ARMC2: variants seen among roughly 807,000 people sequenced by gnomAD.
ARMC2 encodes armadillo repeat containing 2, also known as armadillo repeat-containing protein 2.
A neutral mutation model predicts 90.3 loss-of-function variants in ARMC2; 67 were observed. The ratio of observed to expected loss-of-function variants is 0.74; its 90% CI spans 0.61 to 0.91. The LOEUF is 0.91. Among genes scored for constraint, ARMC2 ranks in the 40% least tolerant of loss-of-function variants. The pLI is 0.00. For synonymous variants in ARMC2, 393 were observed against 393.0 expected (o/e 1.00, Z 0.00); for missense variants, 920 against 1,030.9 (o/e 0.89, Z 1.47).
At chr6:108,916,887 A>G (rs1774024670) in intron 10 of ARMC2, among the ~76,000 whole-genome samples, 1 of 152,064 alleles carries the variant, frequency 6.6e-6, no homozygotes, top group Non-Finnish European at 1.5e-5. Context: ...TGTCTATGTC[A>G]CAATCACAAC....
intron 12 of ARMC2, among the ~76,000 whole-genome samples, chr6:108,938,759 A>C (rs897075265): frequency 6.6e-6 from 1 of 151,936 alleles, no homozygotes; most frequent in African/African-American, 2.4e-5. Flanking sequence ...ATAATCTATA[A>C]TTTTTTTAAG....
At chr6:109,036,712 C>T in the ARMC2 span, among the ~76,000 whole-genome samples, 1 of 152,160 alleles carries the variant, frequency 6.6e-6, no homozygotes, top group African/African-American at 2.4e-5. Context: ...TAAGCCTAAG[C>T]TAAATACCTG....
At chr6:108,979,969 C>T in the ARMC2 span, among the ~76,000 whole-genome samples, 1 of 151,830 alleles carries the variant, frequency 6.6e-6, no homozygotes, top group South Asian at 2.1e-4. Flanking sequence ...ATGTTATTAC[C>T]CACCTTCTGA....
intron 3 of ARMC2, among the ~76,000 whole-genome samples, chr6:108,863,047 T>G (rs1009765816): frequency 3.3e-5 from 5 of 152,236 alleles, no homozygotes; most frequent in African/African-American, 1.2e-4. Flanking sequence ...GAGCTGACGC[T>G]TGTGGTTCCT....
chr6:109,012,244 CTTT>C, the ARMC2 span, among the ~76,000 whole-genome samples: 10 of 138,888 alleles, frequency 7.2e-5, no homozygotes, highest in Non-Finnish European at 4.8e-5. Context: ...TTTGATATTT[CTTT>C]TTTTTTTTTT....
At chr6:108,895,062 G>A (rs1465146127) in intron 6 of ARMC2, among the ~76,000 whole-genome samples, 3 of 149,650 alleles carry the variant, frequency 2.0e-5, no homozygotes, top group African/African-American at 4.9e-5. Flanking sequence ...CACCACGCCC[G>A]GCCTAGATGA....
the ARMC2 span, among the ~76,000 whole-genome samples, chr6:109,004,262 AAATAT>A: frequency 6.6e-5 from 10 of 152,340 alleles, no homozygotes; most frequent in East Asian, 1.7e-3. Context: ...AAAAGTCATA[AAATAT>A]AAGATTGATA....
At chr6:108,989,130 G>A in the ARMC2 span, among the ~76,000 whole-genome samples, 1 of 152,026 alleles carries the variant, frequency 6.6e-6, no homozygotes. Flanking sequence ...AGCCTCCCGA[G>A]AAGCTAGGAT....
rs369716237 is a variant in ARMC2, at chr6:108,868,922, C to T, written c.390C>T (p.Asn130=). 43 of 1,613,844 alleles carry T rather than the reference C, an allele frequency of 2.7e-5. No individual in the cohort carries two copies. The highest frequency in any genetic ancestry group is 6.7e-5 in the Admixed American group (4 of 60,002). Residue 130 remains asparagine (N), a synonymous_variant, in exon 4 of 18, where the codon AAC becomes AAT. Transcript: ENST00000392644. ...VDPAKIRRVS[N]ARARLFRAAS... ...CTGCGAAGATTAGAAGAGTAAGCAACGCCAGGGCTCGCTTATTCAGGGCTG... is the reference window on the plus strand; with the variant it reads ...CTGCGAAGATTAGAAGAGTAAGCAATGCCAGGGCTCGCTTATTCAGGGCTG...
intron 14 of ARMC2, 112 bp from the exon 15 acceptor site, chr6:108,961,902 G>A: frequency 1.0e-6 from 1 of 979,600 alleles, no homozygotes; most frequent in Admixed American, 3.0e-5. Context: ...CTTACAGTTT[G>A]TAATTTATTA....
chr6:108,914,219 A>C (rs1773726522), intron 10 of ARMC2, among the ~76,000 whole-genome samples: 1 of 152,056 alleles, frequency 6.6e-6, no homozygotes, highest in African/African-American at 2.4e-5. Flanking sequence ...GTGGGTATGA[A>C]GGGAAGTTGA....
At chr6:108,924,709 C>A (rs1332684692) in intron 10 of ARMC2, among the ~76,000 whole-genome samples, 1 of 152,100 alleles carries the variant, frequency 6.6e-6, no homozygotes. Flanking sequence ...GACTGAGGAA[C>A]CTTTAGGCTA....
intron 5 of ARMC2, among the ~76,000 whole-genome samples, chr6:108,892,657 G>A (rs1771188767): frequency 1.3e-5 from 2 of 152,054 alleles, no homozygotes; most frequent in South Asian, 4.2e-4. Context: ...TACTCGGGAG[G>A]CTGAGGCAGG....
chr6:108,879,721 C>A (rs768514088), intron 5 of ARMC2, among the ~76,000 whole-genome samples: 2 of 152,098 alleles, frequency 1.3e-5, no homozygotes, highest in Non-Finnish European at 2.9e-5. Flanking sequence ...GAAATGGGAT[C>A]TTTAGGAGGA....
chr6:109,010,513 CAGGACTCAT>C, the ARMC2 span, among the ~76,000 whole-genome samples: 1 of 152,186 alleles, frequency 6.6e-6, no homozygotes, highest in Non-Finnish European at 1.5e-5. Flanking sequence ...GGCCACAGAA[CAGGACTCAT>C]AAATGAAAAT....
chr6:108,889,668 T>G (rs1770750387), intron 5 of ARMC2, among the ~76,000 whole-genome samples: 1 of 151,388 alleles, frequency 6.6e-6, no homozygotes, highest in African/African-American at 2.4e-5. Context: ...TTGAACTCCT[T>G]GAACTCCTAG....
At chr6:108,849,795 C>T (rs908162651) in intron 1 of ARMC2, among the ~76,000 whole-genome samples, 1 of 152,238 alleles carries the variant, frequency 6.6e-6, no homozygotes, top group Non-Finnish European at 1.5e-5. Flanking sequence ...TTACTATCCA[C>T]CTTTTATAGA....
At chr6:108,922,229 GTCC>G (rs982532485) in intron 10 of ARMC2, among the ~76,000 whole-genome samples, 1 of 152,082 alleles carries the variant, frequency 6.6e-6, no homozygotes, top group Non-Finnish European at 1.5e-5. Context: ...CCTGTGTTGT[GTCC>G]TCAAGTCCAG....
chr6:108,967,155 G>C (rs1778430407), intron 17 of ARMC2, among the ~76,000 whole-genome samples: 1 of 152,182 alleles, frequency 6.6e-6, no homozygotes, highest in Non-Finnish European at 1.5e-5. Flanking sequence ...CATGGCTTCA[G>C]CTACCTCCAG....
Sources: allele counts gnomAD v4.1 joint callset (sites outside exome capture counted in the v4.1 genomes callset), GRCh38; gene constraint gnomAD v4.1.1; transcripts MANE v1.5; gene names NCBI Gene and HGNC (gene_info 2026-07-23, HGNC 2026-07-21).